Variants in MTMR8 observed in about 807,000 individuals in gnomAD.
MTMR8 encodes the protein phosphatidylinositol-3,5-bisphosphate 3-phosphatase MTMR8.
Under a neutral mutation model 39.3 loss-of-function variants are expected in MTMR8, and 65 were observed. That is an observed-to-expected ratio of 1.65 (90% CI 1.35 to 2.03). The LOEUF (loss-of-function observed/expected upper bound fraction) is 2.03. Among genes scored for constraint, MTMR8 ranks in the 30% most tolerant of loss-of-function variants. The pLI, the probability that MTMR8 is intolerant of heterozygous loss-of-function variation, is 0.00. For synonymous variants in MTMR8, 245 were observed against 185.2 expected (o/e 1.32, Z -2.62); for missense variants, 777 against 538.9 (o/e 1.44, Z -4.37).
intron 12 of MTMR8, among the ~76,000 whole-genome samples, chrX:64,310,455 G>A (rs865803551): frequency 1.8e-5 from 2 of 111,379 alleles, no homozygotes; most frequent in Admixed American, 1.9e-4. Flanking sequence ...CCAAACTTCT[G>A]TTAATGTTGA....
At chrX:64,319,358 G>A (rs749012501) in intron 12 of MTMR8, among the ~76,000 whole-genome samples, 120 of 112,465 alleles carry the variant, frequency 1.1e-3, no homozygotes, top group African/African-American at 3.7e-3. Flanking sequence ...TATGTTGCCT[G>A]TTCACTCTGA....
chrX:64,337,451 TAA>T, intron 8 of MTMR8, 58 bp from the exon 9 acceptor site: 3 of 1,161,997 alleles, frequency 2.6e-6, no homozygotes, highest in Non-Finnish European at 3.5e-6. Context: ...CTTGTTGGAT[TAA>T]AGAGTTGCCA....
chrX:64,301,108 A>T (rs1330467888), intron 12 of MTMR8, among the ~76,000 whole-genome samples: 2 of 106,748 alleles, frequency 1.9e-5, no homozygotes, highest in Admixed American at 2.0e-4. Flanking sequence ...TATTTCCTGA[A>T]TCTGAACGTT....
At chrX:64,339,461 T>C (rs1923161045) in intron 8 of MTMR8, among the ~76,000 whole-genome samples, 3 of 111,157 alleles carry the variant, frequency 2.7e-5, no homozygotes, top group African/African-American at 9.8e-5. Context: ...GGAAGAGCAA[T>C]AGTAATTATA....
intron 12 of MTMR8, among the ~76,000 whole-genome samples, chrX:64,300,369 G>C (rs968838931): frequency 3.6e-5 from 4 of 111,379 alleles, no homozygotes; most frequent in African/African-American, 1.3e-4. Context: ...TTGGTTTAAA[G>C]TCTGTTTTAT....
chrX:64,277,748 C>T (rs1412382278), intron 12 of MTMR8, among the ~76,000 whole-genome samples: 1 of 110,823 alleles, frequency 9.0e-6, no homozygotes, highest in African/African-American at 3.3e-5. Flanking sequence ...GTGGTGTTCT[C>T]TTATTTCCTG....
rs767695474 is a variant in MTMR8 at position 64,268,838 on chromosome X, C to A, written c.1814G>T (p.Gly605Val). 8.3e-7 allele frequency: 1 copy of A among 1,211,693 alleles called. No homozygotes were observed. The highest frequency in any genetic ancestry group is 1.8e-5 in the South Asian group (1 of 56,948). Residue 605 changes from glycine (G) to valine (V), a missense_variant, in exon 14 of 14, where the codon GGT (glycine) becomes GTT (valine). Physicochemically the swap from Gly to Val is moderately radical, Grantham distance 109 (BLOSUM62 -3). Coordinates refer to ENST00000374852, the MANE Select transcript of MTMR8 (RefSeq NM_017677.4). The stretch of plus-strand genomic sequence containing the variant: ...ACAACAGTTATGGTGGAGGTCTGCA[C>A]CCTGGCTTTTTACTTGATCCATCTG... The part of the protein sequence containing the change: ...RAQMDQVKSQ[G>V]ADLHHNCCEI...
chrX:64,382,668 C>A (rs936276142), intron 1 of MTMR8, among the ~76,000 whole-genome samples: 1 of 111,578 alleles, frequency 9.0e-6, no homozygotes, highest in Admixed American at 9.5e-5. Context: ...GAGAGGGCAT[C>A]CCTGTCTCAT....
At chrX:64,270,141 T>C (rs1320582357) in intron 13 of MTMR8, among the ~76,000 whole-genome samples, 1 of 111,142 alleles carries the variant, frequency 9.0e-6, no homozygotes, top group Non-Finnish European at 1.9e-5. Flanking sequence ...ACTTATGCTT[T>C]AGTTTGCCCC....
Position 64,370,778 on chromosome X carries a change from T to A in MTMR8, c.25-11251A>T, listed in dbSNP as rs1275395926. ...TTCACACAATGACAAAATTGCCTAG[T>A]GAGGCACTTCTCAGAACATATCCCC... On this transcript the variant is annotated intron_variant, in intron 1 of 13. Transcript: ENST00000374852. Among the ~76,000 whole-genome samples the A allele has an allele frequency of 8.1e-5, 9 of 111,771 alleles. No individual in the cohort carries two copies. In the Admixed American group the frequency reaches 8.6e-4, roughly 11 times the overall value.
intron 2 of MTMR8, among the ~76,000 whole-genome samples, chrX:64,357,053 G>C (rs1461863948): frequency 8.9e-6 from 1 of 112,063 alleles, no homozygotes; most frequent in African/African-American, 3.2e-5. Context: ...TCATGCTGAT[G>C]CCAGCAAAAA....
At chrX:64,364,443 C>A (rs1396267301) in intron 1 of MTMR8, among the ~76,000 whole-genome samples, 3 of 111,939 alleles carry the variant, frequency 2.7e-5, no homozygotes, top group African/African-American at 9.8e-5. Context: ...TGTTCTGCAG[C>A]CTCCACTGGT....
At chrX:64,342,488 A>T (rs752704553) in intron 8 of MTMR8, among the ~76,000 whole-genome samples, 3 of 112,583 alleles carry the variant, frequency 2.7e-5, no homozygotes, top group African/African-American at 9.7e-5. Flanking sequence ...ATAAGGCTGT[A>T]CTGTCTATCA....
At chrX:64,284,869 C>G (rs1170973447) in intron 12 of MTMR8, among the ~76,000 whole-genome samples, 5 of 112,291 alleles carry the variant, frequency 4.5e-5, no homozygotes, top group African/African-American at 1.6e-4. Context: ...ACTGCAAAAA[C>G]AGGCTAAATC....
At chrX:64,271,686 C>T (rs1931765785) in intron 12 of MTMR8, among the ~76,000 whole-genome samples, 1 of 112,691 alleles carries the variant, frequency 8.9e-6, no homozygotes, top group African/African-American at 3.2e-5. Flanking sequence ...GCACACCTAA[C>T]ATCCCAACTT....
intron 1 of MTMR8, among the ~76,000 whole-genome samples, chrX:64,391,945 T>C (rs1924700284): frequency 8.9e-6 from 1 of 112,076 alleles, no homozygotes; most frequent in African/African-American, 3.2e-5. Flanking sequence ...CATAAAGCCT[T>C]ATTATTAAGG....
chrX:64,293,170 C>T (rs1327398584), intron 12 of MTMR8, among the ~76,000 whole-genome samples: 6 of 111,229 alleles, frequency 5.4e-5, no homozygotes, highest in African/African-American at 2.0e-4. Flanking sequence ...CTCAGGAGGG[C>T]GCCTGATAAG....
intron 12 of MTMR8, among the ~76,000 whole-genome samples, chrX:64,314,174 C>T (rs1400886671): frequency 1.8e-5 from 2 of 112,760 alleles, no homozygotes; most frequent in South Asian, 3.7e-4. Context: ...GCTCACAGAC[C>T]GCTGGTCACT....
chrX:64,361,665 T>C (rs867212613), intron 1 of MTMR8, among the ~76,000 whole-genome samples: 2 of 111,305 alleles, frequency 1.8e-5, no homozygotes, highest in African/African-American at 3.3e-5. Context: ...AAACAAGGAA[T>C]AAAAGTAAAC....
Sources: gnomAD v4.1 joint callset for allele counts (sites outside exome capture counted in the v4.1 genomes callset) on GRCh38, gnomAD v4.1.1 for gene constraint, MANE v1.5 for transcripts, NCBI Gene and HGNC (gene_info 2026-07-23, HGNC 2026-07-21) for gene names.